KIF27: variants seen among roughly 807,000 people sequenced by gnomAD.
KIF27 encodes the protein kinesin family member 27, also known as kinesin-like protein KIF27.
Under a neutral mutation model 141.8 loss-of-function variants are expected in KIF27, and 84 were observed. The observed-to-expected ratio is 0.59, with a 90% CI of 0.50 to 0.71. KIF27 has a LOEUF of 0.71. Among genes scored for constraint, KIF27 ranks in the 30% least tolerant of loss-of-function variants. KIF27 has a pLI of 0.00. For missense variants in KIF27, 1,306 were observed against 1,628.4 expected, an observed-to-expected ratio of 0.80 and a Z score of 3.41; for synonymous variants, 471 against 569.5, an observed-to-expected ratio of 0.83 and a Z score of 2.46.
chr9:83,850,057 C>T (rs1265250868), intron 16 of KIF27, 42 bp downstream of exon 16: 3 of 1,519,642 alleles, frequency 2.0e-6, no homozygotes, highest in Non-Finnish European at 2.7e-6. Context: ...AGTACCCACA[C>T]CTACACATCA....
rs759346153 is a variant in KIF27 at position 83,859,281 on chromosome 9, T to C, written c.3025A>G (p.Thr1009Ala). 1.1e-5 allele frequency: 18 copies of C among 1,613,802 alleles called. No homozygotes were observed. In the Admixed American group the frequency reaches 1.8e-4, roughly 16 times the overall value. ...SEKNVQLQTS[T>A]AEEKTKISEQ... ...GAAATCTTTGTTTTCTCCTCAGCTG[T>C]ACTGGTCTGGAGCTGCACATTCTTT... The change falls in exon 14 of 18, where the codon ACA (threonine) becomes GCA (alanine). Residue 1009 changes from threonine (T) to alanine (A), a missense_variant. Thr to Ala is a moderately conservative substitution (Grantham distance 58). Transcript: ENST00000297814.
rs201858465 is a variant in KIF27 at position 83,850,146 on chromosome 9, T to C, written c.3509A>G (p.Gln1170Arg). 5.0e-6 allele frequency: 8 copies of C among 1,613,858 alleles called. No homozygotes were observed. The highest frequency in any genetic ancestry group is 6.8e-6 in the Non-Finnish European group (8 of 1,179,852). The change falls in exon 16 of 18, where the codon CAA (glutamine) becomes CGA (arginine). Residue 1170 changes from glutamine to arginine, a missense_variant. Gln to Arg is a conservative substitution (Grantham distance 43). Around this residue, in one of 4 missense-constraint regions of KIF27, gnomAD observed 596 missense variants for 751.6 expected, o/e 0.79. Transcript: ENST00000297814. ...LQCDRRLTLQ[Q>R]KEHEQKMQLL... ...CTGCATCTTTTGTTCGTGTTCCTTT[T>C]GCTGGAGGGTCAGTCTCCGGTCACA...
intron 3 of KIF27, among the ~76,000 whole-genome samples, chr9:83,904,916 G>T (rs1360231885): frequency 1.3e-5 from 2 of 151,172 alleles, no homozygotes; most frequent in East Asian, 3.9e-4. Flanking sequence ...AATAAAGTTG[G>T]TTATTCATTT....
In KIF27 at chr9:83,903,259, G is replaced by T. The variant is rs138516740; in HGVS notation, c.1259C>A (p.Thr420Asn). 1.2e-6 allele frequency: 2 copies of T among 1,614,002 alleles called. No homozygotes were observed. The highest frequency in any genetic ancestry group is 2.2e-5 in the East Asian group (1 of 44,882). Reference sequence around the variant, plus strand: ...AGTATCTTTTAGGTCAACCAGGAAGGTAAAGGCTTCTTCTACACAACACTG... The same window carrying T: ...AGTATCTTTTAGGTCAACCAGGAAGTTAAAGGCTTCTTCTACACAACACTG... ...GYQCCVEEAF[T>N]FLVDLKDTVR... The change falls in exon 4 of 18, where the codon ACC becomes AAC. Residue 420 changes from threonine (T) to asparagine (N), a missense_variant. Coordinates refer to ENST00000297814, the MANE Select transcript of KIF27 (RefSeq NM_017576.4).
At chr9:83,906,876 T>C (rs1203872136) in intron 3 of KIF27, among the ~76,000 whole-genome samples, 1 of 151,752 alleles carries the variant, frequency 6.6e-6, no homozygotes, top group South Asian at 2.1e-4. Context: ...AATTACCATA[T>C]AAACATGAAG....
chr9:83,903,093 A>G lies in KIF27; in HGVS notation c.1425T>C (p.Val475=). Residue 475 remains valine (V), a synonymous_variant, in exon 4 of 18, where the codon GTT becomes GTC. Coordinates refer to ENST00000297814, the MANE Select transcript of KIF27 (RefSeq NM_017576.4). ...SLEEGPQHVT[V]LQLKRELKKC... ...TCTTAAGCTCTCTCTTCAGCTGGAG[A>G]ACTGTAACATGCTGTGGTCCTTCTT... 6.2e-7 allele frequency: 1 copy of G among 1,613,816 alleles called. No individual in the cohort carries two copies. The highest frequency in any genetic ancestry group is 8.5e-7 in the Non-Finnish European group (1 of 1,179,766).
At position 83,883,938 on chromosome 9, in the gene KIF27, C is replaced by T. The variant is rs756868923; in HGVS notation, c.2320G>A (p.Glu774Lys). ...AGCTGCTTTTGTGTTTCAATCAGTT[C>T]GACTTTTGCCTGTTCTGCATCATGC... ...LEHDAEQAKV[E>K]LIETQKQLQE... The change falls in exon 10 of 18, where the codon GAA becomes AAA. Residue 774 changes from glutamate to lysine, a missense_variant. By Grantham distance (56) the Glu-to-Lys change is moderately conservative. Transcript: ENST00000297814. The T allele has an allele frequency of 3.0e-5, 48 of 1,613,426 alleles. No homozygotes were observed. The highest frequency in any genetic ancestry group is 2.3e-4 in the Admixed American group (14 of 59,966).
chr9:83,844,078 A>G lies in KIF27; in HGVS notation c.3557-1677T>C, dbSNP rs190897410. 1.1e-3 allele frequency among the ~76,000 whole-genome samples: 167 copies of G among 152,232 alleles called. 1 individual carries two copies. The highest frequency in any genetic ancestry group is 2.0e-3 in the Non-Finnish European group (133 of 68,020). ...CTCTTAATCTGGTGAGAACCATCTCATCAGCTGCCAGCGAATATGAAGCAG... is the reference window on the plus strand; with the variant it reads ...CTCTTAATCTGGTGAGAACCATCTCGTCAGCTGCCAGCGAATATGAAGCAG... On this transcript the variant is annotated intron_variant, in intron 16 of 17. Transcript: ENST00000297814.
intron 17 of KIF27, 76 bp from the exon 18 acceptor site, chr9:83,837,561 A>G: frequency 1.4e-6 from 2 of 1,409,698 alleles, no homozygotes; most frequent in Non-Finnish European, 1.9e-6. Context: ...ACATCTTAAC[A>G]TAAATACATT....
intron 11 of KIF27, among the ~76,000 whole-genome samples, chr9:83,872,804 G>C (rs1950901208): frequency 6.6e-6 from 1 of 152,188 alleles, no homozygotes; most frequent in Non-Finnish European, 1.5e-5. Context: ...GGTCCAGAAA[G>C]GGGGATGATA....
At chr9:83,840,833 A>T (rs890409642) in intron 17 of KIF27, among the ~76,000 whole-genome samples, 1 of 152,186 alleles carries the variant, frequency 6.6e-6, no homozygotes, top group African/African-American at 2.4e-5. Flanking sequence ...GTATGTTTGT[A>T]TCACGTCTTT....
rs1954212304 is a variant in KIF27, at chr9:83,903,929, T to C, written c.589A>G (p.Thr197Ala). ...CTGGAGTGCTCATTCATTTGAGTGGTACCTGTATGTCTGGCTGCATTCCCC... is the reference window on the plus strand; with the variant it reads ...CTGGAGTGCTCATTCATTTGAGTGGCACCTGTATGTCTGGCTGCATTCCCC... ...EMGNAARHTGTTQMNEHSSRS... is the reference protein window; with the variant it reads ...EMGNAARHTGATQMNEHSSRS... The change falls in exon 4 of 18, where the codon ACC becomes GCC. Residue 197 changes from threonine to alanine, a missense_variant. By Grantham distance (58) the Thr-to-Ala change is moderately conservative (BLOSUM62 0). This residue lies in a region of KIF27 where 533 missense variants were observed against 565.6 expected (regional missense o/e 0.94). Transcript: ENST00000297814. The C allele has an allele frequency of 6.2e-7, 1 of 1,614,210 alleles. No homozygotes were observed. Among genetic ancestry groups the C allele is most frequent in the South Asian group, 1.1e-5 (1 of 91,092 alleles).
intron 12 of KIF27, chr9:83,868,293 ATGGC>A (rs1335781267): frequency 6.5e-6 from 1 of 153,700 alleles, no homozygotes; most frequent in Non-Finnish European, 1.4e-5. Context: ...GTCTATCCAC[ATGGC>A]TGGTATATTG....
At chr9:83,895,866 T>G (rs138377617) in intron 5 of KIF27, among the ~76,000 whole-genome samples, 1 of 151,886 alleles carries the variant, frequency 6.6e-6, no homozygotes, top group Admixed American at 6.6e-5. Context: ...TTGACTGACA[T>G]GTTGAAACCC....
intron 6 of KIF27, among the ~76,000 whole-genome samples, chr9:83,889,665 T>A (rs1952480482): frequency 6.6e-6 from 1 of 151,548 alleles, no homozygotes; most frequent in Non-Finnish European, 1.5e-5. Flanking sequence ...CTGCATCCCC[T>A]CCAATCCAAA....
chr9:83,889,265 T>G lies in KIF27; in HGVS notation c.1810-12A>C. ...GGACTTGTGTGGACCTTGCAAGTGA[T>G]TCCCCCACCCAACAACAAAAAAAGT... On this transcript the variant is annotated splice_polypyrimidine_tract_variant and intron_variant, in intron 6 of 17. Transcript: ENST00000297814. The G allele has an allele frequency of 6.3e-7, 1 of 1,575,956 alleles. No individual in the cohort carries two copies. The highest frequency in any genetic ancestry group is 1.7e-4 in the Middle Eastern group (1 of 5,898).
At chr9:83,838,973 C>T (rs1224129190) in intron 17 of KIF27, among the ~76,000 whole-genome samples, 3 of 152,176 alleles carry the variant, frequency 2.0e-5, no homozygotes, top group Admixed American at 6.5e-5. Flanking sequence ...CTCTGCAGTA[C>T]ATCAGAGTCA....
intron 1 of KIF27, 28 bp from the exon 2 acceptor site, chr9:83,915,706 T>G: frequency 2.0e-6 from 2 of 991,462 alleles, no homozygotes; most frequent in African/African-American, 3.3e-5. Context: ...AAAGCAAATT[T>G]TAATTACTGA....
intron 11 of KIF27, among the ~76,000 whole-genome samples, chr9:83,875,107 G>A (rs1951107601): frequency 6.6e-6 from 1 of 152,022 alleles, no homozygotes; most frequent in Non-Finnish European, 1.5e-5. Flanking sequence ...TATGAGAGAT[G>A]AGGAGTTAAA....
Sources: gnomAD v4.1 joint callset for allele counts (sites outside exome capture counted in the v4.1 genomes callset) on GRCh38, gnomAD v4.1.1 for gene constraint, gnomAD v4.1.1 regional missense constraint, MANE v1.5 for transcripts, NCBI Gene and HGNC (gene_info 2026-07-23, HGNC 2026-07-21) for gene names.